GRIA4: variants seen among roughly 807,000 people sequenced by gnomAD.
GRIA4 encodes the protein glutamate receptor 4.
GRIA4 carries 34 observed loss-of-function variants against 104.0 expected under a neutral mutation model. The observed-to-expected ratio is 0.33, with a 90% CI of 0.25 to 0.44. The LOEUF (loss-of-function observed/expected upper bound fraction) is 0.44. Ranked by LOEUF, GRIA4 falls within the 20% of genes least tolerant of loss-of-function variation. The pLI, the probability that GRIA4 is intolerant of heterozygous loss-of-function variation, is 1.00. For missense variants in GRIA4, 750 were observed against 1,096.5 expected (o/e 0.68, Z 4.46); for synonymous variants, 386 against 381.9 (o/e 1.01, Z -0.13).
At chr11:105,917,024 A>C (rs1317389273) in intron 10 of GRIA4, among the ~76,000 whole-genome samples, 1 of 152,226 alleles carries the variant, frequency 6.6e-6, no homozygotes, top group Non-Finnish European at 1.5e-5. Context: ...ATTTTAGAAA[A>C]TAATAATGCT....
chr11:105,806,711 A>T (rs540790965), intron 4 of GRIA4, among the ~76,000 whole-genome samples: 1 of 151,554 alleles, frequency 6.6e-6, no homozygotes, highest in South Asian at 2.1e-4. Flanking sequence ...TTATTTGTAA[A>T]TATTAGTGCA....
chr11:105,677,051 AG>A (rs1433351328), intron 3 of GRIA4, among the ~76,000 whole-genome samples: 2 of 151,910 alleles, frequency 1.3e-5, no homozygotes, highest in Non-Finnish European at 2.9e-5. Context: ...AAAGTACAAA[AG>A]TAGCCCTATA....
At chr11:105,672,627 A>G (rs1952411021) in intron 3 of GRIA4, among the ~76,000 whole-genome samples, 1 of 152,120 alleles carries the variant, frequency 6.6e-6, no homozygotes. Context: ...TCCAATGTAG[A>G]GCTCAGTATT....
At chr11:105,932,414 C>T (rs1294217211) in intron 13 of GRIA4, among the ~76,000 whole-genome samples, 1 of 152,132 alleles carries the variant, frequency 6.6e-6, no homozygotes, top group Non-Finnish European at 1.5e-5. Flanking sequence ...CTGCCTCAGA[C>T]TCCCAAAATG....
intron 14 of GRIA4, among the ~76,000 whole-genome samples, chr11:105,950,898 T>C (rs751861830): frequency 6.6e-6 from 1 of 151,948 alleles, no homozygotes; most frequent in African/African-American, 2.4e-5. Context: ...GGAAGAGTCA[T>C]GATAGGAAAC....
chr11:105,788,559 G>T (rs1349727070), intron 4 of GRIA4, among the ~76,000 whole-genome samples: 1 of 152,082 alleles, frequency 6.6e-6, no homozygotes, highest in East Asian at 1.9e-4. Context: ...ATACTATGCA[G>T]CCAGAAAAAA....
intron 3 of GRIA4, among the ~76,000 whole-genome samples, chr11:105,638,278 T>G (rs924302326): frequency 3.3e-5 from 5 of 152,050 alleles, no homozygotes; most frequent in African/African-American, 1.2e-4. Flanking sequence ...CAGTGAAAGA[T>G]GGAGTGAAAG....
chr11:105,794,510 T>TATATAC (rs1555010377), intron 4 of GRIA4, among the ~76,000 whole-genome samples: 8 of 121,644 alleles, frequency 6.6e-5, no homozygotes, highest in South Asian at 2.6e-4. Flanking sequence ...TATATATATA[T>TATATAC]ATACATATAC....
chr11:105,978,445 TTA>T (rs68111249), intron 16 of GRIA4, among the ~76,000 whole-genome samples: 2,193 of 152,220 alleles, frequency 0.014, 23 homozygotes, highest in Admixed American at 0.025. Context: ...ATTTTGTCAT[TTA>T]TATGTCATTA....
chr11:105,952,809 G>A (rs1378374798), intron 14 of GRIA4, among the ~76,000 whole-genome samples: 1 of 152,088 alleles, frequency 6.6e-6, no homozygotes, highest in East Asian at 1.9e-4. Context: ...AAATCATGCT[G>A]GGTCTGAATT....
At chr11:105,652,605 A>G (rs1033237723) in intron 3 of GRIA4, among the ~76,000 whole-genome samples, 12 of 152,194 alleles carry the variant, frequency 7.9e-5, no homozygotes, top group African/African-American at 2.7e-4. Context: ...TTCATTTCAG[A>G]TAAGTTGTGG....
intron 3 of GRIA4, among the ~76,000 whole-genome samples, chr11:105,645,023 A>G (rs556919335): frequency 7.4e-4 from 112 of 152,182 alleles, no homozygotes; most frequent in Non-Finnish European, 1.3e-3. Context: ...CTTGACCTCC[A>G]CCCCACTCCC....
chr11:105,768,373 A>C (rs1159559595), intron 4 of GRIA4, among the ~76,000 whole-genome samples: 2 of 152,122 alleles, frequency 1.3e-5, no homozygotes, highest in African/African-American at 2.4e-5. Flanking sequence ...AAAAATTAAG[A>C]TTTGGTTTAA....
Position 105,957,351 on chromosome 11 carries a change from C to T in GRIA4, c.2295-14563C>T, listed in dbSNP as rs905213497. Among the ~76,000 whole-genome samples the T allele has an allele frequency of 2.4e-4, 37 of 152,124 alleles. 1 individual carries two copies. Among genetic ancestry groups the T allele is most frequent in the African/African-American group, 8.7e-4 (36 of 41,418 alleles). Reference sequence around the variant, plus strand: ...TATGGCTAGCCAGTTTTCCCAGGACCATTTATTAAATAGGGAATCCTTTCC... The same window carrying T: ...TATGGCTAGCCAGTTTTCCCAGGACTATTTATTAAATAGGGAATCCTTTCC... On this transcript the variant is annotated intron_variant, in intron 14 of 16. Transcript: ENST00000282499.
chr11:105,745,049 G>A lies in GRIA4; in HGVS notation c.248-7932G>A, dbSNP rs1288009280. ...TTAAGTCCTATGCTCTAATCTAGTG[G>A]ACTAAATAAGAAGAAAATAGAAACT... On this transcript the variant is annotated intron_variant, in intron 3 of 16. Coordinates refer to ENST00000282499, the MANE Select transcript of GRIA4 (RefSeq NM_000829.4). Among the ~76,000 whole-genome samples the A allele has an allele frequency of 7.2e-5, 11 of 152,048 alleles. No homozygotes were observed. In the East Asian group the frequency reaches 2.1e-3, roughly 29 times the overall value.
At chr11:105,900,615 C>T (rs1012042115) in intron 7 of GRIA4, among the ~76,000 whole-genome samples, 8 of 151,988 alleles carry the variant, frequency 5.3e-5, no homozygotes, top group Admixed American at 6.6e-5. Flanking sequence ...GAGACAGAGT[C>T]TCTCTCCGTC....
At chr11:105,753,833 A>T (rs550522313) in intron 4 of GRIA4, among the ~76,000 whole-genome samples, 1 of 152,270 alleles carries the variant, frequency 6.6e-6, no homozygotes, top group East Asian at 1.9e-4. Context: ...ATTACAGAGG[A>T]TACAGATGAA....
At chr11:105,639,258 GA>G (rs1951291180) in intron 3 of GRIA4, among the ~76,000 whole-genome samples, 1 of 152,036 alleles carries the variant, frequency 6.6e-6, no homozygotes, top group East Asian at 1.9e-4. Context: ...GATAAAAGTA[GA>G]AAGATAAAGT....
intron 4 of GRIA4, among the ~76,000 whole-genome samples, chr11:105,825,298 A>G (rs1470926292): frequency 6.6e-6 from 1 of 152,040 alleles, no homozygotes; most frequent in African/African-American, 2.4e-5. Context: ...TCCAGGGGAC[A>G]TCACTGGGTT....
Sources: allele counts gnomAD v4.1 joint callset (sites outside exome capture counted in the v4.1 genomes callset), GRCh38; gene constraint gnomAD v4.1.1; transcripts MANE v1.5; gene names NCBI Gene and HGNC (gene_info 2026-07-23, HGNC 2026-07-21).